IMMP2L: variants seen among roughly 807,000 people sequenced by gnomAD.
IMMP2L encodes the protein inner mitochondrial membrane peptidase subunit 2, also known as mitochondrial inner membrane protease subunit 2.
Under a neutral mutation model 19.3 loss-of-function variants are expected in IMMP2L, and 18 were observed. The observed-to-expected ratio is 0.93, with a 90% CI of 0.64 to 1.38. The LOEUF (loss-of-function observed/expected upper bound fraction) is 1.38. Ranked by LOEUF, IMMP2L falls within the 40% of genes most tolerant of loss-of-function variation. The pLI, the probability that IMMP2L is intolerant of heterozygous loss-of-function variation, is 0.00. For synonymous variants in IMMP2L, 76 were observed against 73.0 expected, an observed-to-expected ratio of 1.04 and a Z score of -0.21; for missense variants, 233 against 218.2, an observed-to-expected ratio of 1.07 and a Z score of -0.43.
At chr7:111,075,909 A>G (rs772887788) in intron 3 of IMMP2L, among the ~76,000 whole-genome samples, 109 of 152,284 alleles carry the variant, frequency 7.2e-4, no homozygotes, top group South Asian at 3.1e-3. Context: ...AAAAAAACAT[A>G]ATGTTTTACT....
chr7:110,922,388 T>A (rs1814388530), intron 4 of IMMP2L, among the ~76,000 whole-genome samples: 1 of 152,180 alleles, frequency 6.6e-6, no homozygotes, highest in Admixed American at 6.5e-5. Flanking sequence ...TCCTGATAGA[T>A]AATAAATGAC....
At chr7:110,876,706 C>A (rs1809104459) in intron 5 of IMMP2L, among the ~76,000 whole-genome samples, 1 of 152,046 alleles carries the variant, frequency 6.6e-6, no homozygotes, top group Non-Finnish European at 1.5e-5. Context: ...TTGCCTAATG[C>A]CTAATCATCT....
rs182243842 is a variant in IMMP2L at position 111,425,268 on chromosome 7, G to A, written c.239+61970C>T. Among the ~76,000 whole-genome samples, 3 of 151,590 alleles carry A rather than the reference G, an allele frequency of 2.0e-5. No individual in the cohort carries two copies. The East Asian group carries it at 5.8e-4, about 29-fold the overall frequency. ...TGAGGTGTGGGAGCAGAAGGTGACT[G>A]AGAAGGACCATGAGAGGACTTTCTG... On this transcript the variant is annotated intron_variant, in intron 3 of 5. Coordinates refer to ENST00000405709, the MANE Select transcript of IMMP2L (RefSeq NM_032549.4).
chr7:111,170,580 G>A (rs1218477776), intron 3 of IMMP2L, among the ~76,000 whole-genome samples: 1 of 151,732 alleles, frequency 6.6e-6, no homozygotes, highest in Non-Finnish European at 1.5e-5. Flanking sequence ...TAGAGAGGTA[G>A]AGAATGTGAC....
At chr7:111,489,932 C>A (rs1442481804) in intron 2 of IMMP2L, among the ~76,000 whole-genome samples, 1 of 151,766 alleles carries the variant, frequency 6.6e-6, no homozygotes, top group African/African-American at 2.4e-5. Flanking sequence ...AGTAGAGCTG[C>A]GACTACAGGT....
intron 3 of IMMP2L, among the ~76,000 whole-genome samples, chr7:111,414,558 G>C (rs1166065258): frequency 1.3e-5 from 2 of 151,840 alleles, no homozygotes; most frequent in African/African-American, 4.9e-5. Flanking sequence ...GATTTTTAGG[G>C]AAGTGAAACT....
chr7:110,777,858 G>C (rs529469377), intron 5 of IMMP2L, among the ~76,000 whole-genome samples: 105 of 152,108 alleles, frequency 6.9e-4, no homozygotes, highest in African/African-American at 2.5e-3. Context: ...TATTTTAAGA[G>C]ACTGAAAATA....
intron 5 of IMMP2L, among the ~76,000 whole-genome samples, chr7:110,745,597 C>T (rs1215020372): frequency 1.3e-5 from 2 of 152,172 alleles, no homozygotes; most frequent in Non-Finnish European, 2.9e-5. Context: ...GGCCAATATT[C>T]AACATTCTTA....
At chr7:110,819,408 C>T (rs1371826309) in intron 5 of IMMP2L, among the ~76,000 whole-genome samples, 2 of 151,966 alleles carry the variant, frequency 1.3e-5, no homozygotes, top group Non-Finnish European at 2.9e-5. Context: ...TATATTTTGG[C>T]TGAAGTGCAG....
chr7:111,046,958 G>T (rs1455259140), intron 3 of IMMP2L, among the ~76,000 whole-genome samples: 1 of 151,914 alleles, frequency 6.6e-6, no homozygotes, highest in East Asian at 1.9e-4. Context: ...AAAAACCAGG[G>T]CCCATGGAAG....
rs982360032 is a variant in IMMP2L at position 110,920,107 on chromosome 7, T to C, written c.306-33412A>G. On this transcript the variant is annotated intron_variant, in intron 4 of 5. Coordinates refer to ENST00000405709, the MANE Select transcript of IMMP2L (RefSeq NM_032549.4). ...TGGCTATAGACTGAAGGCTGCACTG[T>C]TGGCTTCCCTACTTTTGAGGTTTTC... Among the ~76,000 whole-genome samples, 4 of 152,174 alleles carry C rather than the reference T, an allele frequency of 2.6e-5. No homozygotes were observed. The East Asian group carries it at 5.8e-4, about 22-fold the overall frequency.
At chr7:110,755,372 C>T (rs1328608257) in intron 5 of IMMP2L, among the ~76,000 whole-genome samples, 1 of 151,982 alleles carries the variant, frequency 6.6e-6, no homozygotes, top group Non-Finnish European at 1.5e-5. Flanking sequence ...GAAAAGTTAA[C>T]AGACTGGTTA....
intron 3 of IMMP2L, among the ~76,000 whole-genome samples, chr7:111,119,564 T>A (rs545031061): frequency 2.6e-4 from 39 of 152,352 alleles, no homozygotes; most frequent in Non-Finnish European, 4.0e-4. Flanking sequence ...TGGATTTTAG[T>A]AATATATGTA....
chr7:111,068,293 T>G (rs1434222544), intron 3 of IMMP2L, among the ~76,000 whole-genome samples: 2 of 152,270 alleles, frequency 1.3e-5, no homozygotes, highest in African/African-American at 2.4e-5. Context: ...GGGCAGCATT[T>G]TTCATTGTGA....
chr7:111,330,279 A>G (rs1463148598), intron 3 of IMMP2L, among the ~76,000 whole-genome samples: 1 of 151,838 alleles, frequency 6.6e-6, no homozygotes, highest in African/African-American at 2.4e-5. Flanking sequence ...ATAGTAGAAA[A>G]TCAACTAAAT....
chr7:111,290,088 C>G (rs1820924337), intron 3 of IMMP2L, among the ~76,000 whole-genome samples: 1 of 152,146 alleles, frequency 6.6e-6, no homozygotes, highest in South Asian at 2.1e-4. Flanking sequence ...CCCAGTCTGC[C>G]ACTGCACATA....
intron 3 of IMMP2L, among the ~76,000 whole-genome samples, chr7:110,980,841 G>T (rs933878226): frequency 2.6e-5 from 4 of 152,104 alleles, no homozygotes; most frequent in African/African-American, 9.7e-5. Flanking sequence ...AAAATAAATT[G>T]TGTATTATGC....
intron 3 of IMMP2L, among the ~76,000 whole-genome samples, chr7:111,378,765 C>A (rs562036974): frequency 6.6e-6 from 1 of 152,006 alleles, no homozygotes; most frequent in Admixed American, 6.6e-5. Flanking sequence ...ACTTATTAAA[C>A]TTGAGATCTT....
chr7:111,086,451 GA>G (rs200132086), intron 3 of IMMP2L, among the ~76,000 whole-genome samples: 2,201 of 44,238 alleles, frequency 0.05, 67 homozygotes, highest in African/African-American at 0.11. Context: ...CAAAAATAAA[GA>G]AAAAAAAATT....
Sources: gnomAD v4.1 joint callset for allele counts (sites outside exome capture counted in the v4.1 genomes callset) on GRCh38, gnomAD v4.1.1 for gene constraint, MANE v1.5 for transcripts, NCBI Gene and HGNC (gene_info 2026-07-23, HGNC 2026-07-21) for gene names.